The following PPFIBP2 variants were observed in gnomAD, a reference collection of about 807,000 sequenced individuals.
PPFIBP2 encodes liprin-beta-2.
A neutral mutation model predicts 118.3 loss-of-function variants in PPFIBP2; 118 were observed. That is an observed-to-expected ratio of 1.00 (90% CI 0.86 to 1.16). PPFIBP2 has a LOEUF of 1.16. Among genes scored for constraint, PPFIBP2 ranks in the 50% most tolerant of loss-of-function variants. PPFIBP2 has a pLI of 0.00. For synonymous variants in PPFIBP2, 414 were observed against 397.4 expected (o/e 1.04, Z -0.50); for missense variants, 1,195 against 1,073.1 (o/e 1.11, Z -1.59).
At chr11:7,544,912 T>C (rs933723378) in intron 1 of PPFIBP2, among the ~76,000 whole-genome samples, 3 of 152,136 alleles carry the variant, frequency 2.0e-5, no homozygotes, top group Non-Finnish European at 4.4e-5. Context: ...TTCTGGAGCT[T>C]GGTGCACTTA....
At chr11:7,563,045 G>A (rs545133870) in intron 2 of PPFIBP2, among the ~76,000 whole-genome samples, 9 of 142,900 alleles carry the variant, frequency 6.3e-5, no homozygotes, top group South Asian at 2.3e-4. Flanking sequence ...ATGTACACAC[G>A]CATACTCTGA....
chr11:7,665,554 G>T, the PPFIBP2 span: 1 of 1,596,048 alleles, frequency 6.3e-7, no homozygotes, highest in South Asian at 1.1e-5. Context: ...AGCCTGAAAT[G>T]AAGGAGATGC....
intron 1 of PPFIBP2, among the ~76,000 whole-genome samples, chr11:7,526,112 A>G (rs1195743041): frequency 6.6e-6 from 1 of 152,216 alleles, no homozygotes; most frequent in Non-Finnish European, 1.5e-5. Context: ...ATTGGAGTCT[A>G]CCTGCAAAGG....
intron 7 of PPFIBP2, 115 bp from the exon 8 acceptor site, chr11:7,625,662 C>T: frequency 1.3e-6 from 1 of 771,028 alleles, no homozygotes; most frequent in East Asian, 2.6e-5. Context: ...CTCACCTCTT[C>T]TCCTAACTCC....
chr11:7,622,684 C>G (rs1849491159), intron 7 of PPFIBP2, among the ~76,000 whole-genome samples: 1 of 152,024 alleles, frequency 6.6e-6, no homozygotes, highest in Non-Finnish European at 1.5e-5. Flanking sequence ...GCAGTCAGAC[C>G]CATCTGTGTC....
intron 3 of PPFIBP2, among the ~76,000 whole-genome samples, chr11:7,578,309 G>C (rs983650396): frequency 1.7e-4 from 26 of 152,212 alleles, no homozygotes; most frequent in Non-Finnish European, 1.8e-4. Flanking sequence ...GCTAAGATAG[G>C]TATGAATTTA....
At chr11:7,586,493 C>T (rs1046148758) in intron 3 of PPFIBP2, among the ~76,000 whole-genome samples, 4 of 151,998 alleles carry the variant, frequency 2.6e-5, no homozygotes, top group East Asian at 1.9e-4. Context: ...TTTAGAGCAC[C>T]CTACTATAAA....
At chr11:7,663,727 G>A in the PPFIBP2 span, among the ~76,000 whole-genome samples, 1 of 152,232 alleles carries the variant, frequency 6.6e-6, no homozygotes, top group Non-Finnish European at 1.5e-5. Flanking sequence ...CTGGGTAATG[G>A]CGGGCGCCCC....
intron 1 of PPFIBP2, among the ~76,000 whole-genome samples, chr11:7,521,514 T>C (rs1849759757): frequency 6.6e-6 from 1 of 152,246 alleles, no homozygotes; most frequent in Admixed American, 6.5e-5. Context: ...TGCAAGATTA[T>C]TAATCCTTCA....
At chr11:7,628,467 A>G in intron 9 of PPFIBP2, 121 bp downstream of exon 9, 1 of 917,780 alleles carries the variant, frequency 1.1e-6, no homozygotes, top group Non-Finnish European at 1.6e-6. Flanking sequence ...ACATAGGGAT[A>G]TGTCAGGAGA....
intron 12 of PPFIBP2, 106 bp from the exon 13 acceptor site, chr11:7,634,389 G>T: frequency 3.4e-6 from 3 of 883,484 alleles, no homozygotes; most frequent in Non-Finnish European, 3.7e-6. Flanking sequence ...TCTTGACTTT[G>T]AACCTAAGCC....
chr11:7,659,060 T>C (rs1854832250), downstream of PPFIBP2, among the ~76,000 whole-genome samples: 1 of 141,596 alleles, frequency 7.1e-6, no homozygotes, highest in Non-Finnish European at 1.5e-5. Flanking sequence ...GTCAGATGAG[T>C]AGGTTGCGAA....
At chr11:7,529,033 G>A (rs1375740503) in intron 1 of PPFIBP2, among the ~76,000 whole-genome samples, 1 of 152,158 alleles carries the variant, frequency 6.6e-6, no homozygotes, top group East Asian at 1.9e-4. Flanking sequence ...AGCCTGGAGA[G>A]AAAAGTTGAG....
At chr11:7,581,521 G>A (rs955740159) in intron 3 of PPFIBP2, among the ~76,000 whole-genome samples, 2 of 152,122 alleles carry the variant, frequency 1.3e-5, no homozygotes, top group Non-Finnish European at 2.9e-5. Flanking sequence ...TTTATTCTGT[G>A]TCATCTGGTG....
In PPFIBP2 at chr11:7,642,342, G is replaced by A. The variant is rs1852311935; in HGVS notation, c.1562G>A (p.Gly521Glu). ...GGAAATTTCTACACTGACACGCTGGGGATGGCAGAGTTTCGACGAGGTGGG... is the reference window on the plus strand; with the variant it reads ...GGAAATTTCTACACTGACACGCTGGAGATGGCAGAGTTTCGACGAGGTGGG... The part of the protein sequence containing the change: ...QSGNFYTDTL[G>E]MAEFRRGGLR... The change falls in exon 17 of 24, where the codon GGG (glycine) becomes GAG (glutamate). Residue 521 changes from glycine (G) to glutamate (E), a missense_variant. Physicochemically the swap from Gly to Glu is moderately conservative, Grantham distance 98. Coordinates refer to ENST00000299492, the MANE Select transcript of PPFIBP2 (RefSeq NM_003621.5). 1 of 1,614,186 alleles carries A rather than the reference G, an allele frequency of 6.2e-7. No individual in the cohort carries two copies. Among genetic ancestry groups the A allele is most frequent in the South Asian group, 1.1e-5 (1 of 91,080 alleles).
intron 1 of PPFIBP2, among the ~76,000 whole-genome samples, chr11:7,535,679 G>A (rs1014147765): frequency 2.6e-5 from 4 of 152,140 alleles, no homozygotes; most frequent in South Asian, 2.1e-4. Context: ...GGACATTTTC[G>A]GGCCGGCTCC....
chr11:7,613,818 A>T (rs1227809320), intron 6 of PPFIBP2, among the ~76,000 whole-genome samples: 1 of 152,360 alleles, frequency 6.6e-6, no homozygotes, highest in Non-Finnish European at 1.5e-5. Flanking sequence ...TAGCTATCAG[A>T]GCAGCCTGTT....
intron 2 of PPFIBP2, among the ~76,000 whole-genome samples, chr11:7,555,363 G>A (rs894057290): frequency 2.6e-5 from 4 of 152,162 alleles, no homozygotes; most frequent in South Asian, 4.1e-4. Context: ...TCTGATTAGC[G>A]TCTGGGTTTG....
chr11:7,596,518 A>T (rs983356540), intron 4 of PPFIBP2, among the ~76,000 whole-genome samples: 27 of 152,276 alleles, frequency 1.8e-4, no homozygotes, highest in African/African-American at 6.3e-4. Context: ...TAAAGTAGGC[A>T]TATTAATTTA....
Sources: gnomAD v4.1 joint callset for allele counts (sites outside exome capture counted in the v4.1 genomes callset) on GRCh38, gnomAD v4.1.1 for gene constraint, MANE v1.5 for transcripts, NCBI Gene and HGNC (gene_info 2026-07-23, HGNC 2026-07-21) for gene names.